The following MEGF10 variants were observed in gnomAD, a reference collection of about 807,000 sequenced individuals.
MEGF10 encodes the protein multiple epidermal growth factor-like domains protein 10.
MEGF10 carries 86 observed loss-of-function variants against 147.5 expected under a neutral mutation model. That is an observed-to-expected ratio of 0.58 (90% CI 0.49 to 0.70). MEGF10 has a LOEUF of 0.70. Among genes scored for constraint, MEGF10 ranks in the 30% least tolerant of loss-of-function variants. MEGF10 has a pLI of 0.00. For synonymous variants in MEGF10, 478 were observed against 525.5 expected (o/e 0.91, Z 1.24); for missense variants, 1,329 against 1,487.3 (o/e 0.89, Z 1.75).
chr5:127,266,888 C>A, the MEGF10 span, among the ~76,000 whole-genome samples: 6 of 152,338 alleles, frequency 3.9e-5, no homozygotes, highest in African/African-American at 1.4e-4. Flanking sequence ...TTGACTTCTT[C>A]TCTTCCTAAT....
intron 9 of MEGF10, among the ~76,000 whole-genome samples, chr5:127,416,648 C>A (rs2126965353): frequency 6.6e-6 from 1 of 152,256 alleles, no homozygotes; most frequent in East Asian, 1.9e-4. Flanking sequence ...GAGCACCAAA[C>A]TGTTCAACCC....
intron 1 of MEGF10, among the ~76,000 whole-genome samples, chr5:127,327,934 T>G (rs1184050965): frequency 6.6e-6 from 1 of 151,868 alleles, no homozygotes; most frequent in Non-Finnish European, 1.5e-5. Context: ...CCAGGGTGGT[T>G]TCGAACTCCT....
At chr5:127,420,475 C>A (rs971914913) in intron 12 of MEGF10, among the ~76,000 whole-genome samples, 7 of 151,998 alleles carry the variant, frequency 4.6e-5, no homozygotes, top group African/African-American at 1.7e-4. Flanking sequence ...CCTTTACTTT[C>A]TGTTTCTTAT....
At chr5:127,444,447 A>G (rs1765865677) in intron 19 of MEGF10, 1 of 152,214 alleles carries the variant, frequency 6.6e-6, no homozygotes, top group Non-Finnish European at 1.5e-5. Flanking sequence ...ATTGTTTTGT[A>G]AAAAGGTCCT....
chr5:127,373,592 C>T (rs1762922976), intron 5 of MEGF10, among the ~76,000 whole-genome samples: 1 of 152,092 alleles, frequency 6.6e-6, no homozygotes, highest in Non-Finnish European at 1.5e-5. Context: ...AGCCTTGGTA[C>T]CTTTTATTGT....
chr5:127,323,641 T>A (rs765720475), intron 1 of MEGF10, among the ~76,000 whole-genome samples: 4 of 152,250 alleles, frequency 2.6e-5, no homozygotes, highest in Non-Finnish European at 2.9e-5. Flanking sequence ...ATATTGGTTA[T>A]ATATTGCTGC....
chr5:127,361,578 T>C (rs994005721), intron 4 of MEGF10, among the ~76,000 whole-genome samples: 1 of 152,118 alleles, frequency 6.6e-6, no homozygotes, highest in African/African-American at 2.4e-5. Flanking sequence ...TGGGGTTTAA[T>C]TTGATCTTTG....
At chr5:127,245,879 G>A in the MEGF10 span, among the ~76,000 whole-genome samples, 1 of 152,162 alleles carries the variant, frequency 6.6e-6, no homozygotes, top group East Asian at 1.9e-4. Context: ...GGTCATTAGA[G>A]AAATGCAAAT....
At chr5:127,233,580 C>T in the MEGF10 span, among the ~76,000 whole-genome samples, 2 of 152,180 alleles carry the variant, frequency 1.3e-5, no homozygotes, top group African/African-American at 4.8e-5. Context: ...CCTTCATATG[C>T]TTAACTGGGT....
At chr5:127,236,175 G>T in the MEGF10 span, among the ~76,000 whole-genome samples, 3 of 152,276 alleles carry the variant, frequency 2.0e-5, no homozygotes, top group East Asian at 5.8e-4. Flanking sequence ...GTTTCACCAT[G>T]TTGGCCAGGA....
intron 1 of MEGF10, among the ~76,000 whole-genome samples, chr5:127,326,967 C>G (rs1470034940): frequency 6.6e-6 from 1 of 152,100 alleles, no homozygotes; most frequent in Non-Finnish European, 1.5e-5. Flanking sequence ...AGTCAACACC[C>G]CATTATTTAT....
At position 127,422,755 on chromosome 5, in the gene MEGF10, G is replaced by C; in HGVS notation, c.1676G>C (p.Cys559Ser). ...GCHPTTGHCRCLPGWSGVHCD... is the reference protein window; with the variant it reads ...GCHPTTGHCRSLPGWSGVHCD... ...CACCCTACCACGGGCCATTGCCGCT[G>C]CCTCCCCGGATGGTCAGGTGAGAGC... Residue 559 changes from cysteine (C) to serine (S), a missense_variant, in exon 13 of 25, where the codon TGC (cysteine) becomes TCC (serine). Around this residue, in one of 3 missense-constraint regions of MEGF10, gnomAD observed 980 missense variants for 1,085.9 expected, o/e 0.90. Coordinates refer to ENST00000503335, the MANE Select transcript of MEGF10 (RefSeq NM_001256545.2). The C allele has an allele frequency of 1.2e-6, 2 of 1,613,976 alleles. No homozygotes were observed. The highest frequency in any genetic ancestry group is 1.7e-6 in the Non-Finnish European group (2 of 1,179,928).
intron 21 of MEGF10, among the ~76,000 whole-genome samples, chr5:127,448,013 G>A (rs1766014601): frequency 6.6e-6 from 1 of 152,064 alleles, no homozygotes; most frequent in Admixed American, 6.5e-5. Flanking sequence ...TTTTACATGA[G>A]ATTTTAAAAT....
At chr5:127,317,278 C>T (rs533836264) in intron 1 of MEGF10, among the ~76,000 whole-genome samples, 204 of 152,218 alleles carry the variant, frequency 1.3e-3, no homozygotes, top group African/African-American at 4.6e-3. Flanking sequence ...TCTGCGTGTC[C>T]GCTCTGATGG....
intron 22 of MEGF10, among the ~76,000 whole-genome samples, chr5:127,452,448 G>C (rs1561656269): frequency 6.6e-6 from 1 of 152,176 alleles, no homozygotes; most frequent in Non-Finnish European, 1.5e-5. Context: ...GAATTCCCAA[G>C]ACCACCCTGA....
chr5:127,329,523 CT>C (rs1761168399), intron 1 of MEGF10, among the ~76,000 whole-genome samples: 1 of 151,008 alleles, frequency 6.6e-6, no homozygotes, highest in African/African-American at 2.4e-5. Context: ...TTGTTTTTTG[CT>C]GTTATTGTTG....
rs959594289 is a variant in MEGF10 at position 127,400,414 on chromosome 5, G to T, written c.780+1618G>T. Among the ~76,000 whole-genome samples the T allele has an allele frequency of 3.3e-5, 5 of 152,168 alleles. No individual in the cohort carries two copies. The East Asian group carries it at 9.6e-4, about 29-fold the overall frequency. ...CTTGTACACCCAAGCCTTTAGTAAG[G>T]CTACTCCTTCTCTACCTTTTTTGTC... On this transcript the variant is annotated intron_variant, in intron 7 of 24. Transcript: ENST00000503335.
chr5:127,361,968 T>C (rs1282804740), intron 4 of MEGF10, among the ~76,000 whole-genome samples: 3 of 152,172 alleles, frequency 2.0e-5, no homozygotes, highest in Non-Finnish European at 4.4e-5. Flanking sequence ...TTGTTCTGTA[T>C]GTTCTTGAAA....
intron 4 of MEGF10, among the ~76,000 whole-genome samples, chr5:127,346,199 C>T (rs1250735218): frequency 6.6e-6 from 1 of 152,066 alleles, no homozygotes; most frequent in Non-Finnish European, 1.5e-5. Flanking sequence ...CGTATAATGA[C>T]TTCTTTTCCT....
Sources: allele counts gnomAD v4.1 joint callset (sites outside exome capture counted in the v4.1 genomes callset), GRCh38; gene constraint gnomAD v4.1.1; regional missense constraint gnomAD v4.1.1; transcripts MANE v1.5; gene names NCBI Gene and HGNC (gene_info 2026-07-23, HGNC 2026-07-21).